Variants in INSL6 observed in about 807,000 individuals in gnomAD.
The protein encoded by INSL6 is insulin-like peptide INSL6.
INSL6 carries 16 observed loss-of-function variants against 9.4 expected under a neutral mutation model. That is an observed-to-expected ratio of 1.70 (90% confidence interval 1.15 to 2.59). The LOEUF is 2.59. INSL6 is among the 30% of genes most tolerant of loss of function. INSL6 has a pLI of 0.00. For synonymous variants in INSL6, 154 were observed against 96.9 expected, an observed-to-expected ratio of 1.59 and a Z score of -3.46; for missense variants, 391 against 257.3, an observed-to-expected ratio of 1.52 and a Z score of -3.56.
the INSL6 span, among the ~76,000 whole-genome samples, chr9:5,042,128 T>C: frequency 5.4e-4 from 35 of 64,452 alleles, no homozygotes; most frequent in Admixed American, 1.2e-3. Context: ...AAATTTCTTT[T>C]TTTTTTTTTT....
At chr9:5,151,131 C>A (rs1824704918) in intron 2 of INSL6, among the ~76,000 whole-genome samples, 1 of 152,068 alleles carries the variant, frequency 6.6e-6, no homozygotes, top group Non-Finnish European at 1.5e-5. Context: ...CTAATGGGTA[C>A]AGTGTACACT....
the INSL6 span, among the ~76,000 whole-genome samples, chr9:5,054,083 A>C: frequency 2.0e-5 from 3 of 152,072 alleles, no homozygotes; most frequent in African/African-American, 7.2e-5. The surrounding 1 kb of genome is among the most constrained non-coding windows in gnomAD (Gnocchi z 4.9). Flanking sequence ...GGCCTAACAA[A>C]ATAATATACA....
the INSL6 span, among the ~76,000 whole-genome samples, chr9:5,020,573 G>A: frequency 2.0e-5 from 3 of 152,114 alleles, no homozygotes; most frequent in Non-Finnish European, 4.4e-5. Context: ...GCTAAGGAGT[G>A]TGCACTGCAG....
At chr9:5,103,638 A>G in the INSL6 span, among the ~76,000 whole-genome samples, 1 of 152,202 alleles carries the variant, frequency 6.6e-6, no homozygotes, top group Admixed American at 6.5e-5. Flanking sequence ...GCACGACATC[A>G]CACTTATTCC....
intron 1 of INSL6, 103 bp downstream of exon 1, chr9:5,185,211 G>T: frequency 7.0e-7 from 1 of 1,420,542 alleles, no homozygotes; most frequent in South Asian, 1.2e-5. Flanking sequence ...TGTGTACTAG[G>T]CACAAATTCC....
At chr9:5,155,878 C>G (rs1824806473) in intron 2 of INSL6, among the ~76,000 whole-genome samples, 1 of 151,664 alleles carries the variant, frequency 6.6e-6, no homozygotes, top group Admixed American at 6.6e-5. Flanking sequence ...TGTAACAAAC[C>G]TGCATGTTCT....
chr9:5,102,402 A>G, the INSL6 span, among the ~76,000 whole-genome samples: 1 of 152,246 alleles, frequency 6.6e-6, no homozygotes, highest in African/African-American at 2.4e-5. Flanking sequence ...TGAAAAGACC[A>G]AATCTACATT....
chr9:5,065,197 GAATT>G, the INSL6 span, among the ~76,000 whole-genome samples: 10 of 151,940 alleles, frequency 6.6e-5, no homozygotes, highest in African/African-American at 7.3e-5. Flanking sequence ...ATAATAATTA[GAATT>G]ATTTAGTGTA....
chr9:5,082,542 G>T, the INSL6 span, among the ~76,000 whole-genome samples: 1 of 152,264 alleles, frequency 6.6e-6, no homozygotes, highest in Non-Finnish European at 1.5e-5. Flanking sequence ...GCAGGAGACA[G>T]TGGCCTTCCT....
At chr9:5,062,538 A>G in the INSL6 span, among the ~76,000 whole-genome samples, 42 of 146,404 alleles carry the variant, frequency 2.9e-4, no homozygotes, top group African/African-American at 1.0e-3. Flanking sequence ...AAAAGGTCAT[A>G]TCTGCAAGGA....
At chr9:5,125,753 T>C (rs577644349) in intron 3 of INSL6, among the ~76,000 whole-genome samples, 1 of 71,002 alleles carries the variant, frequency 1.4e-5, no homozygotes, top group African/African-American at 9.6e-5. Flanking sequence ...TGACTATATA[T>C]TTGTTGGGTG....
chr9:5,126,337 T>G, intron 3 of INSL6: 1 of 1,597,080 alleles, frequency 6.3e-7, no homozygotes, highest in Non-Finnish European at 8.5e-7. Flanking sequence ...TTTTAGGAAT[T>G]TATGCGTATG....
At chr9:5,050,892 T>C in the INSL6 span, 1 of 1,422,640 alleles carries the variant, frequency 7.0e-7, no homozygotes. Flanking sequence ...ATAATTCGTA[T>C]ATATTTTCTG....
At chr9:5,160,166 A>C (rs892487117), downstream of INSL6, among the ~76,000 whole-genome samples, 6 of 146,600 alleles carry the variant, frequency 4.1e-5, no homozygotes, top group Non-Finnish European at 7.5e-5. Context: ...ACAAGAGTAA[A>C]ACTCGGTCTC....
At chr9:5,182,452 T>A (rs759432634) in intron 1 of INSL6, among the ~76,000 whole-genome samples, 11 of 152,254 alleles carry the variant, frequency 7.2e-5, no homozygotes, top group Non-Finnish European at 1.6e-4. Flanking sequence ...CTGTAAATTA[T>A]AATTTACTTA....
At chr9:5,162,139 G>A (rs1824940915), downstream of INSL6, among the ~76,000 whole-genome samples, 1 of 151,828 alleles carries the variant, frequency 6.6e-6, no homozygotes, top group African/African-American at 2.4e-5. Flanking sequence ...CAAGATGTTA[G>A]GATTAAAATC....
chr9:5,043,414 C>T, the INSL6 span, among the ~76,000 whole-genome samples: 1 of 151,974 alleles, frequency 6.6e-6, no homozygotes. Context: ...AATAATAGGT[C>T]TACAAGGATG....
chr9:5,064,997 G>C, the INSL6 span: 18 of 1,608,332 alleles, frequency 1.1e-5, no homozygotes, highest in Non-Finnish European at 1.3e-5. Flanking sequence ...AGCACCTCCA[G>C]CCGTGCTTGA....
the INSL6 span, chr9:5,096,650 A>C: frequency 6.6e-5 from 10 of 152,074 alleles, no homozygotes; most frequent in Non-Finnish European, 1.3e-4. Flanking sequence ...CAGCCATTTT[A>C]CCCTTTTTTC....
Sources: allele counts gnomAD v4.1 joint callset (sites outside exome capture counted in the v4.1 genomes callset), GRCh38; gene constraint gnomAD v4.1.1; non-coding constraint Gnocchi (gnomAD v3.1); transcripts MANE v1.5; gene names NCBI Gene and HGNC (gene_info 2026-07-23, HGNC 2026-07-21).